RPS6KC1: variants seen among roughly 807,000 people sequenced by gnomAD.
RPS6KC1 encodes ribosomal protein S6 kinase C1.
RPS6KC1 carries 54 observed loss-of-function variants against 103.8 expected under a neutral mutation model. The ratio of observed to expected loss-of-function variants is 0.52; its 90% CI spans 0.42 to 0.65. The LOEUF is 0.65. Ranked by LOEUF, RPS6KC1 falls within the 30% of genes least tolerant of loss-of-function variation. The probability of loss-of-function intolerance (pLI) is 0.00; values close to 1 mark genes in which losing one functional copy is unlikely to be tolerated. For synonymous variants in RPS6KC1, 439 were observed against 438.7 expected (o/e 1.00, Z -0.01); for missense variants, 1,151 against 1,253.8 (o/e 0.92, Z 1.24).
At chr1:213,549,870 G>C in the RPS6KC1 span, among the ~76,000 whole-genome samples, 1 of 151,782 alleles carries the variant, frequency 6.6e-6, no homozygotes, top group African/African-American at 2.4e-5. Flanking sequence ...TACTAAAATA[G>C]GCCCCAAACC....
At chr1:213,288,306 T>A in the RPS6KC1 span, among the ~76,000 whole-genome samples, 2 of 152,194 alleles carry the variant, frequency 1.3e-5, no homozygotes, top group Non-Finnish European at 2.9e-5. Context: ...ACCCTAGTGA[T>A]TAGTGGCATG....
the RPS6KC1 span, among the ~76,000 whole-genome samples, chr1:213,656,898 C>T: frequency 1.3e-5 from 2 of 152,090 alleles, no homozygotes; most frequent in Non-Finnish European, 2.9e-5. Context: ...TATTCTCTAC[C>T]TTACATTACT....
the RPS6KC1 span, among the ~76,000 whole-genome samples, chr1:213,406,663 T>TA: frequency 6.6e-6 from 1 of 152,146 alleles, no homozygotes; most frequent in African/African-American, 2.4e-5. Flanking sequence ...AGGGGTCATA[T>TA]AAAAACAAAC....
rs368836189 is a variant in RPS6KC1 at position 213,241,649 on chromosome 1, C to T, written c.2173C>T (p.Leu725Phe). The change falls in exon 11 of 15, where the codon CTC (leucine) becomes TTC (phenylalanine). Residue 725 changes from leucine to phenylalanine, a missense_variant. By Grantham distance (22) the Leu-to-Phe change is conservative. Around this residue, in one of 3 missense-constraint regions of RPS6KC1, gnomAD observed 959 missense variants for 1,006.3 expected, o/e 0.95. Coordinates refer to ENST00000366960, the MANE Select transcript of RPS6KC1 (RefSeq NM_012424.6). ...TAATATAGGGATAATAGAAAATAAA[C>T]TCTTGGAAGCCCCTGATGTTTTATG... ...QTNIGIIENK[L>F]LEAPDVLCLR... 10 of 1,613,714 alleles carry T rather than the reference C, an allele frequency of 6.2e-6. No homozygotes were observed. The African/African-American group carries it at 9.3e-5, about 15-fold the overall frequency.
the RPS6KC1 span, among the ~76,000 whole-genome samples, chr1:213,524,468 TAGA>T: frequency 6.6e-6 from 1 of 151,790 alleles, no homozygotes; most frequent in South Asian, 2.1e-4. Context: ...TCACTTCTGA[TAGA>T]AGAACTGTGA....
chr1:213,142,621 A>C (rs1303240020), intron 6 of RPS6KC1, among the ~76,000 whole-genome samples: 1 of 152,054 alleles, frequency 6.6e-6, no homozygotes, highest in African/African-American at 2.4e-5. Flanking sequence ...ACAGGGTTGC[A>C]AAGTATTTTT....
At chr1:213,394,077 T>C in the RPS6KC1 span, among the ~76,000 whole-genome samples, 1 of 151,414 alleles carries the variant, frequency 6.6e-6, no homozygotes, top group Non-Finnish European at 1.5e-5. Flanking sequence ...GATGAAGGGG[T>C]GTACGGAGGA....
At position 213,241,276 on chromosome 1, in the gene RPS6KC1, C is replaced by T; in HGVS notation, c.1800C>T (p.Phe600=). Residue 600 remains phenylalanine, a synonymous_variant, in exon 11 of 15, where the codon TTC becomes TTT. Coordinates refer to ENST00000366960, the MANE Select transcript of RPS6KC1 (RefSeq NM_012424.6). ...GATCAAAAAATAGCCCCATGGAATT[C>T]TTTAGGATAGACAGTAAGGATAGCG... ...LSRSKNSPME[F]FRIDSKDSAS... 6.2e-7 allele frequency: 1 copy of T among 1,613,858 alleles called. No individual in the cohort carries two copies. The highest frequency in any genetic ancestry group is 8.5e-7 in the Non-Finnish European group (1 of 1,179,900).
intron 12 of RPS6KC1, among the ~76,000 whole-genome samples, chr1:213,248,513 A>G (rs535724399): frequency 6.6e-6 from 1 of 152,240 alleles, no homozygotes. Flanking sequence ...CACTGAAGAA[A>G]ATTTCTTGAT....
Position 213,248,648 on chromosome 1 carries a change from AG to A in RPS6KC1, c.2911+5992del, listed in dbSNP as rs144150444. Among the ~76,000 whole-genome samples the A allele has an allele frequency of 5.6e-3, 860 of 152,342 alleles. 8 individuals carry two copies. The highest frequency in any genetic ancestry group is 0.017 in the African/African-American group (717 of 41,574). On this transcript the variant is annotated intron_variant, in intron 12 of 14. Transcript: ENST00000366960. Reference sequence around the variant, plus strand: ...GCCCTTGTGGTGCAAAGAAGATTAAAGGATCACTTTAGGAGGACTTGAGGGT... The same window carrying A: ...GCCCTTGTGGTGCAAAGAAGATTAAAGATCACTTTAGGAGGACTTGAGGGT...
chr1:213,740,277 T>G, the RPS6KC1 span, among the ~76,000 whole-genome samples: 1 of 152,112 alleles, frequency 6.6e-6, no homozygotes. Flanking sequence ...AATCACAGTA[T>G]TAAAGTAATA....
rs1042184792 is a variant in RPS6KC1, at chr1:213,195,187, G to A, written c.1044+18695G>A. Among the ~76,000 whole-genome samples the A allele has an allele frequency of 2.0e-5, 3 of 152,152 alleles. No individual in the cohort carries two copies. The South Asian group carries it at 6.2e-4, about 32-fold the overall frequency. On this transcript the variant is annotated intron_variant, in intron 8 of 14. Coordinates refer to ENST00000366960, the MANE Select transcript of RPS6KC1 (RefSeq NM_012424.6). Reference sequence around the variant, plus strand: ...GGAGAATCACAGAGTGAGCATCCTGGTGGAACACTTCTGGGTCTTGATTGT... The same window carrying A: ...GGAGAATCACAGAGTGAGCATCCTGATGGAACACTTCTGGGTCTTGATTGT...
the RPS6KC1 span, among the ~76,000 whole-genome samples, chr1:213,754,365 C>T: frequency 1.3e-5 from 2 of 152,200 alleles, no homozygotes; most frequent in Non-Finnish European, 2.9e-5. Context: ...CTCTCAAAGG[C>T]CCTTGATATG....
At chr1:213,608,338 C>G in the RPS6KC1 span, among the ~76,000 whole-genome samples, 3 of 152,154 alleles carry the variant, frequency 2.0e-5, no homozygotes, top group Non-Finnish European at 2.9e-5. Flanking sequence ...TAAAAGCACC[C>G]GTGTTGCTCC....
At chr1:213,843,826 CT>C in the RPS6KC1 span, among the ~76,000 whole-genome samples, 1 of 151,948 alleles carries the variant, frequency 6.6e-6, no homozygotes, top group African/African-American at 2.4e-5. Context: ...TTTCTAACCC[CT>C]TCTGTTCTTT....
chr1:213,715,639 C>T, the RPS6KC1 span, among the ~76,000 whole-genome samples: 4 of 152,210 alleles, frequency 2.6e-5, no homozygotes, highest in Non-Finnish European at 5.9e-5. Context: ...GACATCTTTC[C>T]TGAAGAGGTA....
chr1:213,619,872 TAGA>T, the RPS6KC1 span, among the ~76,000 whole-genome samples: 1 of 152,064 alleles, frequency 6.6e-6, no homozygotes, highest in African/African-American at 2.4e-5. Context: ...AGGTAGGAAA[TAGA>T]AGAGAGAACT....
chr1:213,354,906 A>G, the RPS6KC1 span, among the ~76,000 whole-genome samples: 1 of 152,232 alleles, frequency 6.6e-6, no homozygotes, highest in South Asian at 2.1e-4. Flanking sequence ...TTCAAACCGT[A>G]GCCAGCCCTT....
the RPS6KC1 span, among the ~76,000 whole-genome samples, chr1:213,504,740 C>T: frequency 1.3e-5 from 2 of 151,914 alleles, no homozygotes; most frequent in Admixed American, 1.3e-4. Context: ...AATTTGATGC[C>T]AGTTTTATTC....
Sources: allele counts gnomAD v4.1 joint callset (sites outside exome capture counted in the v4.1 genomes callset), GRCh38; gene constraint gnomAD v4.1.1; regional missense constraint gnomAD v4.1.1; transcripts MANE v1.5; gene names NCBI Gene and HGNC (gene_info 2026-07-23, HGNC 2026-07-21).